PRDM11: variants seen among roughly 807,000 people sequenced by gnomAD.
The protein encoded by PRDM11 is PR/SET domain 11, also known as PR domain-containing protein 11.
PRDM11 carries 20 observed loss-of-function variants against 97.8 expected under a neutral mutation model. That is an observed-to-expected ratio of 0.20 (90% CI 0.14 to 0.30). PRDM11 has a LOEUF of 0.30. Among genes scored for constraint, PRDM11 ranks in the 10% least tolerant of loss-of-function variants. The pLI, the probability that PRDM11 is intolerant of heterozygous loss-of-function variation, is 1.00. For missense variants in PRDM11, 1,139 were observed against 1,555.2 expected, an observed-to-expected ratio of 0.73 and a Z score of 4.50; for synonymous variants, 599 against 637.7, an observed-to-expected ratio of 0.94 and a Z score of 0.91.
chr11:45,212,441 T>G (rs1283071313), intron 5 of PRDM11: 1 of 367,266 alleles, frequency 2.7e-6, no homozygotes, highest in Non-Finnish European at 5.4e-6. Flanking sequence ...TTGTAACCAC[T>G]TTTCCATCTT....
rs772813564 is a variant in PRDM11 at position 45,213,660 on chromosome 11, A to G, written c.555-5910A>G. 2.0e-5 allele frequency: 9 copies of G among 456,184 alleles called. No homozygotes were observed. In the Middle Eastern group the frequency reaches 1.6e-3, roughly 82 times the overall value. The allele number at this position is 456,184 out of a possible 1,614,324, so 28.3% of individuals were successfully genotyped here. A position where few individuals can be genotyped will look rare whatever the true frequency, so the allele number is the denominator to read the frequency against. On this transcript the variant is annotated intron_variant, in intron 5 of 7. Coordinates refer to ENST00000683152, the MANE Select transcript of PRDM11 (RefSeq NM_001384648.1). ...GTCTTGCATTCATAGAGAGCACTTT[A>G]TGCTTTTCCTCGCCCTTGCAGAGTC...
intron 6 of PRDM11, among the ~76,000 whole-genome samples, chr11:45,223,711 T>C (rs1854182537): frequency 6.6e-6 from 1 of 152,176 alleles, no homozygotes; most frequent in South Asian, 2.1e-4. Flanking sequence ...TTAAGTAGGC[T>C]GTCTCCAGAG....
At chr11:45,134,717 AAAAAAAAAAG>A (rs1414131126) in intron 1 of PRDM11, among the ~76,000 whole-genome samples, 14 of 148,490 alleles carry the variant, frequency 9.4e-5, no homozygotes, top group Non-Finnish European at 1.8e-4. Flanking sequence ...AAAAAAAAAA[AAAAAAAAAAG>A]AATAGTATTT....
At chr11:45,103,790 T>C (rs1852018489) in intron 1 of PRDM11, among the ~76,000 whole-genome samples, 1 of 148,092 alleles carries the variant, frequency 6.8e-6, no homozygotes. Flanking sequence ...ATAAATTATA[T>C]ATATAAAAAT....
chr11:45,154,479 C>T (rs558478269), intron 1 of PRDM11, among the ~76,000 whole-genome samples: 6 of 152,180 alleles, frequency 3.9e-5, no homozygotes, highest in Non-Finnish European at 7.3e-5. Flanking sequence ...CCGGAGCCTC[C>T]GCTGAAATGA....
rs376889246 is a variant in PRDM11, at chr11:45,151,066, T to A, written c.-7+4189T>A. On this transcript the variant is annotated intron_variant, in intron 1 of 7. Transcript: ENST00000683152. ...ACCCCAAACCCATTTGGAAGCATCA[T>A]GTGGTGTTATAAAGCTGTCATGGGA... is the stretch of plus-strand genomic sequence containing the variant. 4.6e-5 allele frequency among the ~76,000 whole-genome samples: 7 copies of A among 152,338 alleles called. No homozygotes were observed. In the South Asian group the frequency reaches 8.3e-4, roughly 18 times the overall value.
chr11:45,119,757 T>C (rs1852389412), intron 1 of PRDM11, among the ~76,000 whole-genome samples: 1 of 151,942 alleles, frequency 6.6e-6, no homozygotes, highest in Admixed American at 6.6e-5. Context: ...CCCCATTTTC[T>C]TAACAGAATA....
In PRDM11 at chr11:45,232,565, C is replaced by G. The variant is rs1277608825; in HGVS notation, c.*4406C>G. On this transcript the variant is annotated 3_prime_UTR_variant, in exon 8 of 8. Transcript: ENST00000683152. ...AGCTGAAACAGGCAGGCCAGTCCTC[C>G]TCAGACAAGAAAGGGGTTTTCAGAG... 1 of 152,352 alleles carries G rather than the reference C, an allele frequency of 6.6e-6. No homozygotes were observed. Among genetic ancestry groups the G allele is most frequent in the East Asian group, 1.9e-4 (1 of 5,182 alleles). The allele number at this position is 152,352 out of a possible 1,614,324, so 9.4% of individuals were successfully genotyped here. A position where few individuals can be genotyped will look rare whatever the true frequency, so the allele number is the denominator to read the frequency against.
intron 1 of PRDM11, among the ~76,000 whole-genome samples, chr11:45,101,345 C>A (rs1851971525): frequency 6.6e-6 from 1 of 152,054 alleles, no homozygotes; most frequent in Admixed American, 6.6e-5. Context: ...ATCACGAGGT[C>A]AGGAGATCGA....
At chr11:45,103,249 C>T (rs1411443018) in intron 1 of PRDM11, among the ~76,000 whole-genome samples, 1 of 152,198 alleles carries the variant, frequency 6.6e-6, no homozygotes, top group Non-Finnish European at 1.5e-5. Flanking sequence ...CCTCCCCGGC[C>T]TTGGAGCCCA....
At chr11:45,157,582 G>A (rs779044041) in intron 1 of PRDM11, among the ~76,000 whole-genome samples, 4 of 152,144 alleles carry the variant, frequency 2.6e-5, no homozygotes, top group Non-Finnish European at 5.9e-5. Flanking sequence ...CCTTTCCACC[G>A]CCAACCTCCC....
chr11:45,221,338 GT>G (rs1854115173), intron 6 of PRDM11, among the ~76,000 whole-genome samples: 2 of 152,182 alleles, frequency 1.3e-5, no homozygotes, highest in Non-Finnish European at 2.9e-5. Flanking sequence ...GATGCCTCAT[GT>G]AAAAGTGCCT....
chr11:45,181,983 C>T, intron 2 of PRDM11, 98 bp downstream of exon 2: 1 of 1,113,730 alleles, frequency 9.0e-7, no homozygotes, highest in Non-Finnish European at 1.3e-6. Context: ...TCACTCCTTG[C>T]CCACCTTCCC....
intron 1 of PRDM11, among the ~76,000 whole-genome samples, chr11:45,137,790 A>G (rs1256487445): frequency 2.6e-5 from 4 of 152,142 alleles, no homozygotes; most frequent in Admixed American, 2.6e-4. Context: ...ATGGGTAAGG[A>G]GCTGTTTGAG....
chr11:45,170,377 T>C (rs1474117304), intron 1 of PRDM11, among the ~76,000 whole-genome samples: 1 of 146,664 alleles, frequency 6.8e-6, no homozygotes, highest in Admixed American at 6.8e-5. Context: ...AAAGAAGGAG[T>C]GGTAGCAAGC....
intron 1 of PRDM11, among the ~76,000 whole-genome samples, chr11:45,133,504 T>C (rs1372613903): frequency 6.6e-6 from 1 of 152,252 alleles, no homozygotes; most frequent in Non-Finnish European, 1.5e-5. Flanking sequence ...TCTGATGATA[T>C]TGTTTTAACA....
chr11:45,147,312 A>T (rs1468586822), intron 1 of PRDM11: 1 of 148,996 alleles, frequency 6.7e-6, no homozygotes, highest in African/African-American at 2.6e-5. Flanking sequence ...GCGGACGCCG[A>T]CGCCAGAGGG....
At chr11:45,191,580 A>T (rs1852914328) in intron 4 of PRDM11, among the ~76,000 whole-genome samples, 2 of 152,014 alleles carry the variant, frequency 1.3e-5, no homozygotes, top group South Asian at 4.2e-4. Context: ...ATTGCCCTAG[A>T]TTTGGCCAGT....
chr11:45,214,853 G>A (rs1288296459), intron 5 of PRDM11: 2 of 152,202 alleles, frequency 1.3e-5, no homozygotes, highest in African/African-American at 4.8e-5. Context: ...GCAGGTTGGT[G>A]AGAAGGGCTC....
Sources: allele counts gnomAD v4.1 joint callset (sites outside exome capture counted in the v4.1 genomes callset), GRCh38; gene constraint gnomAD v4.1.1; transcripts MANE v1.5; gene names NCBI Gene and HGNC (gene_info 2026-07-23, HGNC 2026-07-21).